The following OTOA variants were observed in gnomAD, a reference collection of about 807,000 sequenced individuals.
OTOA encodes the protein otoancorin.
OTOA carries 70 observed loss-of-function variants against 110.8 expected under a neutral mutation model. The ratio of observed to expected loss-of-function variants is 0.63; its 90% CI spans 0.52 to 0.77. The LOEUF is 0.77. Ranked by LOEUF, OTOA falls within the 30% of genes least tolerant of loss-of-function variation. OTOA has a pLI of 0.00. For synonymous variants in OTOA, 373 were observed against 431.5 expected (o/e 0.86, Z 1.68); for missense variants, 917 against 1,075.8 (o/e 0.85, Z 2.06).
intron 5 of OTOA, among the ~76,000 whole-genome samples, chr16:21,679,975 G>A (rs1315867495): frequency 2.6e-5 from 4 of 152,090 alleles, no homozygotes; most frequent in African/African-American, 9.7e-5. Flanking sequence ...CAGGGAACTA[G>A]GTAGTGTGGA....
At chr16:21,721,319 C>T (rs1294012843) in intron 17 of OTOA, 1 of 455,268 alleles carries the variant, frequency 2.2e-6, no homozygotes, top group Admixed American at 2.4e-5. Context: ...CCCAAATTTT[C>T]CCCAGAGCAG....
At chr16:21,684,725 T>C (rs1966972169) in intron 6 of OTOA, among the ~76,000 whole-genome samples, 2 of 24,098 alleles carry the variant, frequency 8.3e-5, no homozygotes, top group Non-Finnish European at 2.7e-4. Context: ...ATCCCCTTAT[T>C]ATTATTATTA....
At chr16:21,726,937 G>A (rs1454150287) in intron 19 of OTOA, among the ~76,000 whole-genome samples, 1 of 151,976 alleles carries the variant, frequency 6.6e-6, no homozygotes, top group Non-Finnish European at 1.5e-5. Flanking sequence ...ATGTGGCTTT[G>A]GGTGAATCAC....
chr16:21,724,137 T>C (rs1255848162), intron 18 of OTOA, among the ~76,000 whole-genome samples: 1 of 152,122 alleles, frequency 6.6e-6, no homozygotes, highest in Non-Finnish European at 1.5e-5. Context: ...TGGGGGAAGA[T>C]GTTGAATCTG....
At chr16:21,695,891 A>ATATATATATAT (rs569493650) in intron 9 of OTOA, among the ~76,000 whole-genome samples, 16 of 41,898 alleles carry the variant, frequency 3.8e-4, no homozygotes, top group African/African-American at 1.6e-3. Context: ...ATATATATAT[A>ATATATATATAT]TTTTTTTTTT....
At chr16:21,690,651 T>A (rs1159845663) in intron 8 of OTOA, among the ~76,000 whole-genome samples, 2 of 152,102 alleles carry the variant, frequency 1.3e-5, no homozygotes, top group Admixed American at 1.3e-4. Context: ...GCTGCAATGA[T>A]CATGTGTGCA....
intron 10 of OTOA, among the ~76,000 whole-genome samples, chr16:21,698,237 T>A (rs1897984003): frequency 6.6e-6 from 1 of 152,194 alleles, no homozygotes; most frequent in Admixed American, 6.5e-5. Context: ...TTCCCATCCT[T>A]GGGATCATGA....
chr16:21,735,715 T>G (rs1899271645), intron 21 of OTOA, among the ~76,000 whole-genome samples: 1 of 152,104 alleles, frequency 6.6e-6, no homozygotes, highest in Non-Finnish European at 1.5e-5. Flanking sequence ...TGTCTCAGCC[T>G]CCTAAGTAGC....
intron 9 of OTOA, among the ~76,000 whole-genome samples, chr16:21,695,968 C>T (rs1012451187): frequency 7.0e-6 from 1 of 143,296 alleles, no homozygotes; most frequent in Non-Finnish European, 1.5e-5. Context: ...GATCTCAGCT[C>T]ACTGCAACTT....
intron 18 of OTOA, among the ~76,000 whole-genome samples, chr16:21,723,545 C>A (rs999706223): frequency 1.3e-5 from 2 of 151,882 alleles, no homozygotes; most frequent in Non-Finnish European, 2.9e-5. Flanking sequence ...TTTATAAGAC[C>A]TTATAATCTC....
At chr16:21,748,853 A>T (rs1329732065) in intron 24 of OTOA, 2 of 150,080 alleles carry the variant, frequency 1.3e-5, no homozygotes, top group Non-Finnish European at 3.0e-5. Context: ...TACTTATTGA[A>T]CTCCTACTCT....
chr16:21,758,920 T>G (rs1597873679), intron 28 of OTOA, among the ~76,000 whole-genome samples: 2 of 151,838 alleles, frequency 1.3e-5, no homozygotes, highest in Admixed American at 1.3e-4. Context: ...GAGAGTTGCT[T>G]GAACACTGGG....
intron 2 of OTOA, 79 bp from the exon 3 acceptor site, chr16:21,678,836 C>T (rs1269155175): frequency 9.7e-6 from 15 of 1,540,792 alleles, no homozygotes; most frequent in East Asian, 9.0e-5. Flanking sequence ...CTTTCTGGGG[C>T]TTTTCCTCTA....
At chr16:21,695,337 G>A (rs1463754677) in intron 9 of OTOA, among the ~76,000 whole-genome samples, 1 of 150,934 alleles carries the variant, frequency 6.6e-6, no homozygotes, top group Non-Finnish European at 1.5e-5. Context: ...AGTGAGCTAT[G>A]ATCATCCAAC....
At chr16:21,697,705 C>T (rs1897971567) in intron 9 of OTOA, 70 bp from the exon 10 acceptor site, 2 of 1,337,804 alleles carry the variant, frequency 1.5e-6, no homozygotes, top group Non-Finnish European at 1.1e-6. Flanking sequence ...ATGCTGTTGA[C>T]TATCACATAC....
Position 21,687,663 on chromosome 16 carries a change from C to G in OTOA, c.635+15C>G, listed in dbSNP as rs368335912. 2 of 1,565,434 alleles carry G rather than the reference C, an allele frequency of 1.3e-6. No homozygotes were observed. The highest frequency in any genetic ancestry group is 2.3e-5 in the South Asian group (2 of 87,486). On this transcript the variant is annotated intron_variant, in intron 8 of 28. Coordinates refer to ENST00000646100, the MANE Select transcript of OTOA (RefSeq NM_144672.4). The stretch of plus-strand genomic sequence containing the variant: ...TTTAAGAACCTGTGAGTGGTTCCTC[C>G]GAACTTTTTTTTTTTTTTTTTTGAG...
At position 21,725,177 on chromosome 16, in the gene OTOA, GC is replaced by G. The variant is rs1327797526; in HGVS notation, c.1881-1344del. On this transcript the variant is annotated intron_variant, in intron 18 of 28. Coordinates refer to ENST00000646100, the MANE Select transcript of OTOA (RefSeq NM_144672.4). Reference sequence around the variant, plus strand: ...TGTCTTGTTCATTGTTATATTTGGTGCCTAGAACAGTGCCTGGCTTACTGTA... The same window carrying G: ...TGTCTTGTTCATTGTTATATTTGGTGCTAGAACAGTGCCTGGCTTACTGTA... 3.9e-5 allele frequency among the ~76,000 whole-genome samples: 6 copies of G among 152,272 alleles called. No homozygotes were observed. In the South Asian group the frequency reaches 1.0e-3, roughly 26 times the overall value.
At chr16:21,692,322 G>A (rs1367099565) in intron 9 of OTOA, among the ~76,000 whole-genome samples, 1 of 149,798 alleles carries the variant, frequency 6.7e-6, no homozygotes, top group Non-Finnish European at 1.5e-5. Context: ...GCGAGACTCC[G>A]TCTCGAAAAA....
At position 21,702,757 on chromosome 16, in the gene OTOA, C is replaced by T. The variant is rs542543252; in HGVS notation, c.980+1730C>T. 1.5e-3 allele frequency among the ~76,000 whole-genome samples: 232 copies of T among 152,234 alleles called. 2 individuals carry two copies. The highest frequency in any genetic ancestry group is 1.5e-3 in the Non-Finnish European group (105 of 68,018). ...GTAGCACAATCTCGGCTTACTGCAA[C>T]CTCTGCCTCCTGGGTTCAAGTGATT... On this transcript the variant is annotated intron_variant, in intron 11 of 28. Transcript: ENST00000646100.
Sources: allele counts gnomAD v4.1 joint callset (sites outside exome capture counted in the v4.1 genomes callset), GRCh38; gene constraint gnomAD v4.1.1; transcripts MANE v1.5; gene names NCBI Gene and HGNC (gene_info 2026-07-23, HGNC 2026-07-21).